Variants in ANKRD17 observed in about 807,000 individuals in gnomAD.
ANKRD17 encodes ankyrin repeat domain 17.
ANKRD17 carries 19 observed loss-of-function variants against 229.7 expected under a neutral mutation model. That is an observed-to-expected ratio of 0.08 (90% confidence interval 0.06 to 0.12). The LOEUF (loss-of-function observed/expected upper bound fraction) is 0.12, where lower values mean the gene tolerates loss of function less well. Among genes scored for constraint, ANKRD17 ranks in the 10% least tolerant of loss-of-function variants. ANKRD17 has a pLI of 1.00. For synonymous variants in ANKRD17, 1,112 were observed against 1,146.1 expected (o/e 0.97, Z 0.60); for missense variants, 2,176 against 3,176.8 (o/e 0.68, Z 7.57).
intron 30 of ANKRD17, among the ~76,000 whole-genome samples, chr4:73,080,980 C>A (rs947280409): frequency 1.3e-5 from 2 of 152,186 alleles, no homozygotes; most frequent in African/African-American, 4.8e-5. Context: ...TAGGCTTGCC[C>A]GCTGAGCTGC....
chr4:73,176,958 C>G (rs1278350673), intron 2 of ANKRD17, among the ~76,000 whole-genome samples: 1 of 152,194 alleles, frequency 6.6e-6, no homozygotes, highest in Non-Finnish European at 1.5e-5. Context: ...AGCAGGAGAG[C>G]TGAAACAAGA....
Position 73,124,992 on chromosome 4 carries a change from T to C in ANKRD17, c.3413A>G (p.Asn1138Ser), listed in dbSNP as rs777515153. ...HVGVVEILLD[N>S]GADIEAQSER... ...AGACTGGGCTTCAATGTCTGCACCA[T>C]TGTCCAGCAATATTTCCACAACACC... is the stretch of plus-strand genomic sequence containing the variant. Residue 1138 changes from asparagine (N) to serine (S), a missense_variant, in exon 18 of 34, where the codon AAT becomes AGT. Transcript: ENST00000358602. 2.5e-6 allele frequency: 4 copies of C among 1,614,108 alleles called. No homozygotes were observed. Among genetic ancestry groups the C allele is most frequent in the East Asian group, 4.5e-5 (2 of 44,872 alleles).
intron 24 of ANKRD17, among the ~76,000 whole-genome samples, chr4:73,104,496 G>A (rs1040423162): frequency 6.6e-6 from 1 of 152,158 alleles, no homozygotes; most frequent in African/African-American, 2.4e-5. Context: ...CCAGAAAAAC[G>A]TATTATCAAA....
chr4:73,239,340 A>C (rs1386657611), intron 1 of ANKRD17, among the ~76,000 whole-genome samples: 2 of 152,186 alleles, frequency 1.3e-5, no homozygotes, highest in Non-Finnish European at 2.9e-5. Flanking sequence ...AAACAATATC[A>C]AAAAGTCCAC....
intron 1 of ANKRD17, among the ~76,000 whole-genome samples, chr4:73,206,280 C>T (rs777156246): frequency 1.3e-5 from 2 of 151,968 alleles, no homozygotes; most frequent in Non-Finnish European, 2.9e-5. Flanking sequence ...GGAATATCTG[C>T]ACTCCCACCC....
At chr4:73,220,398 ACT>A (rs1560749066) in intron 1 of ANKRD17, among the ~76,000 whole-genome samples, 1 of 152,044 alleles carries the variant, frequency 6.6e-6, no homozygotes, top group Non-Finnish European at 1.5e-5. Context: ...TAGCCAAGAC[ACT>A]CTATTTAATC....
At chr4:73,164,653 A>G (rs1160649545) in intron 2 of ANKRD17, among the ~76,000 whole-genome samples, 1 of 152,094 alleles carries the variant, frequency 6.6e-6, no homozygotes, top group Admixed American at 6.5e-5. Flanking sequence ...TTAGCTGGAC[A>G]TGGTGGCATG....
chr4:73,202,891 C>A (rs1578376954), intron 1 of ANKRD17, among the ~76,000 whole-genome samples: 1 of 152,082 alleles, frequency 6.6e-6, no homozygotes, highest in Admixed American at 6.6e-5. Flanking sequence ...TTAAGACAGT[C>A]CTTTTGCAAG....
chr4:73,163,315 A>T (rs915622205), intron 2 of ANKRD17, among the ~76,000 whole-genome samples: 2 of 152,172 alleles, frequency 1.3e-5, no homozygotes, highest in African/African-American at 4.8e-5. Context: ...TAATGTTATG[A>T]TGGATATTAC....
intron 6 of ANKRD17, among the ~76,000 whole-genome samples, chr4:73,152,742 G>C (rs1731164303): frequency 6.6e-6 from 1 of 152,002 alleles, no homozygotes; most frequent in South Asian, 2.1e-4. Flanking sequence ...GTGAGAAGGG[G>C]AGAGAGCCAC....
Position 73,151,620 on chromosome 4 carries a change from A to C in ANKRD17, c.1235-96T>G, listed in dbSNP as rs1290128515. The C allele has an allele frequency of 4.3e-6, 4 of 923,714 alleles. No individual in the cohort carries two copies. In the Admixed American group the frequency reaches 1.3e-4, roughly 30 times the overall value. 57.2% of individuals were successfully genotyped at this position (923,714 alleles called of 1,614,324 possible). On this transcript the variant is annotated intron_variant, in intron 6 of 33. Transcript: ENST00000358602. Reference sequence around the variant, plus strand: ...TTTTGAAAAGTTATATTTAACTTACAGCATTAAATTTATAAGCATAATAAA... The same window carrying C: ...TTTTGAAAAGTTATATTTAACTTACCGCATTAAATTTATAAGCATAATAAA...
intron 31 of ANKRD17, 70 bp downstream of exon 31, chr4:73,078,566 ATTAAAG>A (rs1475210470): frequency 2.7e-6 from 4 of 1,488,470 alleles, no homozygotes; most frequent in South Asian, 2.7e-5. Context: ...GGAAATGACT[ATTAAAG>A]TTAAATACTG....
intron 1 of ANKRD17, among the ~76,000 whole-genome samples, chr4:73,213,897 T>C (rs530604696): frequency 1.3e-5 from 2 of 152,168 alleles, no homozygotes; most frequent in Admixed American, 6.5e-5. Flanking sequence ...GTGATACCTG[T>C]GAAAGAAGGG....
intron 3 of ANKRD17, among the ~76,000 whole-genome samples, chr4:73,159,078 C>T (rs1732159697): frequency 6.6e-6 from 1 of 152,172 alleles, no homozygotes; most frequent in South Asian, 2.1e-4. Context: ...ATGTGCAATA[C>T]TATATATTTT....
intron 24 of ANKRD17, among the ~76,000 whole-genome samples, chr4:73,113,511 T>C (rs1725577492): frequency 1.3e-5 from 2 of 152,208 alleles, no homozygotes; most frequent in Non-Finnish European, 2.9e-5. Flanking sequence ...GATTAAGAGA[T>C]CATTAGCTGA....
chr4:73,100,910 A>G (rs1251728776), intron 25 of ANKRD17: 1 of 985,318 alleles, frequency 1.0e-6, no homozygotes, highest in African/African-American at 1.7e-5. Flanking sequence ...CCTTCCCACA[A>G]TACAGTCAGT....
intron 1 of ANKRD17, among the ~76,000 whole-genome samples, chr4:73,224,040 C>T (rs920197962): frequency 2.0e-5 from 3 of 152,030 alleles, no homozygotes; most frequent in Non-Finnish European, 1.5e-5. Flanking sequence ...TCATTTGAGG[C>T]CAGGAGTTCG....
chr4:73,152,228 A>G (rs1465982677), intron 6 of ANKRD17, among the ~76,000 whole-genome samples: 2 of 152,198 alleles, frequency 1.3e-5, no homozygotes, highest in South Asian at 2.1e-4. Flanking sequence ...GGAATGAGCT[A>G]CAATCAATTC....
rs1729706090 is a variant in ANKRD17, at chr4:73,142,252, T to G, written c.2219A>C (p.Asp740Ala). 1 of 1,546,714 alleles carries G rather than the reference T, an allele frequency of 6.5e-7. No individual in the cohort carries two copies. Among genetic ancestry groups the G allele is most frequent in the Admixed American group, 2.5e-5 (1 of 40,020 alleles). Residue 740 changes from aspartate (D) to alanine (A), a missense_variant, in exon 13 of 34, where the codon GAT becomes GCT. Transcript: ENST00000358602. ...DVTQLTPPSH[D>A]LNRAPRVPVQ... ...TTTTTAAAATCTTACCCTATTTAAA[T>G]CGTGGGATGGGGGAGTTAACTGAGT...
Sources: allele counts gnomAD v4.1 joint callset (sites outside exome capture counted in the v4.1 genomes callset), GRCh38; gene constraint gnomAD v4.1.1; transcripts MANE v1.5; gene names NCBI Gene and HGNC (gene_info 2026-07-23, HGNC 2026-07-21).